The following SYTL3 variants were observed in gnomAD, a reference collection of about 807,000 sequenced individuals.
SYTL3 encodes synaptotagmin like 3.
A neutral mutation model predicts 82.1 loss-of-function variants in SYTL3; 88 were observed. The ratio of observed to expected loss-of-function variants is 1.07; its 90% CI spans 0.90 to 1.28. SYTL3 has a LOEUF of 1.28. SYTL3 is among the 50% of genes most tolerant of loss of function. SYTL3 has a pLI of 0.00. For missense variants in SYTL3, 831 were observed against 757.6 expected (o/e 1.10, Z -1.14); for synonymous variants, 311 against 289.4 (o/e 1.07, Z -0.76).
rs1778344905 is a variant in SYTL3 at position 158,678,824 on chromosome 6, T to A, written c.330-4101T>A. ...TTTTGAGATATATTTATGGGCTAAT[T>A]GAAAAAATTTTTAAAGAAGTGAGTC... On this transcript the variant is annotated intron_variant, in intron 5 of 17. Transcript: ENST00000611299. 2.0e-5 allele frequency among the ~76,000 whole-genome samples: 3 copies of A among 152,162 alleles called. No homozygotes were observed. The South Asian group carries it at 6.2e-4, about 31-fold the overall frequency.
intron 1 of SYTL3, among the ~76,000 whole-genome samples, chr6:158,650,866 A>G (rs1178889093): frequency 6.6e-6 from 1 of 152,076 alleles, no homozygotes; most frequent in African/African-American, 2.4e-5. Context: ...CACGAGAATC[A>G]CTTGAACCTG....
chr6:158,757,138 G>GCCA, intron 13 of SYTL3, 73 bp from the exon 14 acceptor site: 1 of 1,453,412 alleles, frequency 6.9e-7, no homozygotes. Flanking sequence ...CTGGAAGGTG[G>GCCA]GGTCCAGAGA....
intron 2 of SYTL3, among the ~76,000 whole-genome samples, chr6:158,656,812 G>A (rs930068451): frequency 5.9e-5 from 9 of 152,132 alleles, no homozygotes; most frequent in African/African-American, 2.2e-4. Flanking sequence ...TGGTGATGGC[G>A]GGACAGTGTG....
intron 11 of SYTL3, among the ~76,000 whole-genome samples, chr6:158,739,512 C>G (rs1400913467): frequency 6.6e-6 from 1 of 152,126 alleles, no homozygotes; most frequent in African/African-American, 2.4e-5. Context: ...CGATTTTTCT[C>G]TATATGAGAG....
At chr6:158,753,606 T>C (rs1583486479) in intron 13 of SYTL3, among the ~76,000 whole-genome samples, 1 of 151,604 alleles carries the variant, frequency 6.6e-6, no homozygotes, top group Non-Finnish European at 1.5e-5. Flanking sequence ...GGCGGGCGCC[T>C]GTAGTCCCAG....
upstream of SYTL3, among the ~76,000 whole-genome samples, chr6:158,648,605 A>T (rs1554234543): frequency 8.6e-5 from 9 of 104,770 alleles, no homozygotes; most frequent in Non-Finnish European, 1.4e-4. Flanking sequence ...AAAAAAAAAA[A>T]AAAATAATAA....
At chr6:158,658,698 G>T (rs922302601) in intron 2 of SYTL3, among the ~76,000 whole-genome samples, 1 of 152,144 alleles carries the variant, frequency 6.6e-6, no homozygotes, top group Non-Finnish European at 1.5e-5. Flanking sequence ...GTCGAGGTGG[G>T]AGGATCACCT....
chr6:158,736,973 G>A (rs1255110092), intron 11 of SYTL3, among the ~76,000 whole-genome samples: 3 of 150,930 alleles, frequency 2.0e-5, no homozygotes, highest in South Asian at 4.2e-4. Context: ...GTGGGCATGT[G>A]GATGTTAATT....
chr6:158,730,504 C>T (rs1411711255), intron 11 of SYTL3, among the ~76,000 whole-genome samples: 1 of 152,224 alleles, frequency 6.6e-6, no homozygotes, highest in African/African-American at 2.4e-5. Context: ...GGATACACTC[C>T]TCCAGGGGCG....
Position 158,760,646 on chromosome 6 carries a change from A to T in SYTL3, c.1315A>T (p.Lys439Ter). 6.2e-7 allele frequency: 1 copy of T among 1,613,832 alleles called. No individual in the cohort carries two copies. The highest frequency in any genetic ancestry group is 8.5e-7 in the Non-Finnish European group (1 of 1,179,798). Residue 439 changes from lysine to a stop codon, truncating the protein, a stop_gained, in exon 15 of 18, where the codon AAA becomes TAA. Coordinates refer to ENST00000611299, the MANE Select transcript of SYTL3 (RefSeq NM_001242394.2). LOFTEE classifies it high-confidence loss of function. ...RWHPLRAKAE[K>*]YEDSVPQSNG... ...CTCTGCCTCTTGTCCCCAGGCGGAG[A>T]AATACGAAGACAGCGTTCCTCAGAG...
At position 158,722,147 on chromosome 6, in the gene SYTL3, T is replaced by TTTTG. The variant is rs144541246; in HGVS notation, c.721-3332_721-3329dup. ...ACAGAAGTAGTAGATAACTTTCTTTTTTTGTTTGTTTGTTTGTTTGTTTGT... is the reference window on the plus strand; with the variant it reads ...ACAGAAGTAGTAGATAACTTTCTTTTTTTGTTTGTTTGTTTGTTTGTTTGTTTGT... On this transcript the variant is annotated intron_variant, in intron 10 of 17. Transcript: ENST00000611299. 2.1e-4 allele frequency among the ~76,000 whole-genome samples: 32 copies of TTTTG among 151,400 alleles called. 1 individual carries two copies. The highest frequency in any genetic ancestry group is 2.1e-3 in the South Asian group (10 of 4,776).
intron 12 of SYTL3, among the ~76,000 whole-genome samples, chr6:158,751,101 G>GC (rs1274805711): frequency 6.6e-6 from 1 of 152,062 alleles, no homozygotes; most frequent in Non-Finnish European, 1.5e-5. Context: ...TGGCCTCCTG[G>GC]CCGATTTCGA....
intron 11 of SYTL3, among the ~76,000 whole-genome samples, chr6:158,742,825 G>A (rs1787111151): frequency 6.6e-6 from 1 of 152,036 alleles, no homozygotes; most frequent in South Asian, 2.1e-4. Flanking sequence ...CTGACCTCAT[G>A]ATCTGCCCGC....
rs1239061913 is a variant in SYTL3, at chr6:158,671,752, T to A, written c.329+6139T>A. Among the ~76,000 whole-genome samples, 84 of 123,556 alleles carry A rather than the reference T, an allele frequency of 6.8e-4. No individual in the cohort carries two copies. In the East Asian group the frequency reaches 0.024, roughly 36 times the overall value. 81.1% of individuals were successfully genotyped at this position (123,556 alleles called of 152,430 possible). ...CTCAGTCTAAAAAAAAAAAAAAAGA[T>A]AATTATTTAAATTATTTAGCCAATC... On this transcript the variant is annotated intron_variant, in intron 5 of 17. Coordinates refer to ENST00000611299, the MANE Select transcript of SYTL3 (RefSeq NM_001242394.2).
intron 14 of SYTL3, among the ~76,000 whole-genome samples, chr6:158,758,668 C>T (rs528476086): frequency 1.6e-4 from 25 of 152,260 alleles, no homozygotes; most frequent in South Asian, 6.2e-4. Flanking sequence ...CCAGGCAATG[C>T]CCACTCTCCC....
At chr6:158,657,750 A>G (rs1788864654) in intron 2 of SYTL3, among the ~76,000 whole-genome samples, 2 of 152,220 alleles carry the variant, frequency 1.3e-5, no homozygotes, top group South Asian at 4.1e-4. Context: ...AATACATGGC[A>G]TAGTGATTCC....
intron 6 of SYTL3, among the ~76,000 whole-genome samples, chr6:158,692,754 G>C (rs1780039581): frequency 6.7e-6 from 1 of 150,134 alleles, no homozygotes; most frequent in Admixed American, 6.6e-5. Flanking sequence ...TGGCTAACGT[G>C]GTGAAATCCC....
At chr6:158,745,767 T>C (rs1415536320) in intron 12 of SYTL3, 109 bp downstream of exon 12, 3 of 852,816 alleles carry the variant, frequency 3.5e-6, no homozygotes, top group Non-Finnish European at 5.2e-6. Flanking sequence ...AAAAACAAAA[T>C]GAAAAGGCTT....
intron 14 of SYTL3, among the ~76,000 whole-genome samples, chr6:158,760,421 G>A (rs186979844): frequency 1.1e-4 from 16 of 152,298 alleles, no homozygotes; most frequent in Middle Eastern, 3.4e-3. Context: ...GTTCGCTGGG[G>A]TGGCCAAGCT....
Sources: gnomAD v4.1 joint callset for allele counts (sites outside exome capture counted in the v4.1 genomes callset) on GRCh38, gnomAD v4.1.1 for gene constraint, MANE v1.5 for transcripts, NCBI Gene and HGNC (gene_info 2026-07-23, HGNC 2026-07-21) for gene names.